The following NAALADL2 variants were observed in gnomAD, a reference collection of about 807,000 sequenced individuals.
NAALADL2 encodes N-acetylated alpha-linked acidic dipeptidase like 2.
A neutral mutation model predicts 87.2 loss-of-function variants in NAALADL2; 76 were observed. The observed-to-expected ratio is 0.87, with a 90% CI of 0.72 to 1.05. The LOEUF (loss-of-function observed/expected upper bound fraction) is 1.05. NAALADL2 is among the 50% of genes least tolerant of loss of function. NAALADL2 has a pLI of 0.00. For synonymous variants in NAALADL2, 354 were observed against 331.0 expected (o/e 1.07, Z -0.75); for missense variants, 1,089 against 945.8 (o/e 1.15, Z -1.99).
rs908155726 is a variant in NAALADL2 at position 174,623,235 on chromosome 3, A to T, written c.-115+72598A>T. Among the ~76,000 whole-genome samples the T allele has an allele frequency of 1.3e-4, 20 of 152,354 alleles. No individual in the cohort carries two copies. The East Asian group carries it at 3.3e-3, about 25-fold the overall frequency. On this transcript the variant is annotated intron_variant, in intron 2 of 3. Coordinates refer to the NAALADL2 transcript ENST00000434257. ...AGCATCCACAGCATTTTAAGCAGAT[A>T]CTTGGAACACTTAAGCTTACAGCAA...
At chr3:175,310,712 G>A (rs932990865) in intron 4 of NAALADL2, among the ~76,000 whole-genome samples, 3 of 151,596 alleles carry the variant, frequency 2.0e-5, no homozygotes, top group Non-Finnish European at 4.4e-5. Context: ...AATCCCAGAG[G>A]TTCATGCATG....
chr3:175,114,514 T>A (rs542451016), intron 2 of NAALADL2, among the ~76,000 whole-genome samples: 2 of 151,828 alleles, frequency 1.3e-5, no homozygotes, highest in Non-Finnish European at 3.0e-5. Context: ...TCTAAATGTA[T>A]GCTAAACATA....
At chr3:174,987,292 G>C (rs534986345) in intron 1 of NAALADL2, among the ~76,000 whole-genome samples, 1 of 151,894 alleles carries the variant, frequency 6.6e-6, no homozygotes, top group Non-Finnish European at 1.5e-5. Context: ...ATACTCGGCC[G>C]GGCGCGGTGG....
intron 5 of NAALADL2, among the ~76,000 whole-genome samples, chr3:175,382,643 T>G (rs1767923954): frequency 6.6e-6 from 1 of 151,846 alleles, no homozygotes; most frequent in African/African-American, 2.4e-5. Flanking sequence ...ACATTCCAAA[T>G]GTTTTTCAAA....
intron 2 of NAALADL2, among the ~76,000 whole-genome samples, chr3:175,189,568 TAA>T (rs2109043854): frequency 6.6e-6 from 1 of 152,278 alleles, no homozygotes; most frequent in African/African-American, 2.4e-5. Context: ...GAAATAAATT[TAA>T]GACAAGTAAA....
chr3:174,885,228 C>T (rs935829743), intron 1 of NAALADL2, among the ~76,000 whole-genome samples: 1 of 152,138 alleles, frequency 6.6e-6, no homozygotes, highest in African/African-American at 2.4e-5. Flanking sequence ...CCTTTCATTG[C>T]AGGTCGGCCA....
chr3:174,917,758 C>A (rs1734606394), intron 1 of NAALADL2, among the ~76,000 whole-genome samples: 1 of 150,908 alleles, frequency 6.6e-6, no homozygotes, highest in Non-Finnish European at 1.5e-5. Context: ...TTTTTTGAGC[C>A]ACCAATTTTA....
intron 2 of NAALADL2, among the ~76,000 whole-genome samples, chr3:175,181,115 G>A (rs554324896): frequency 6.6e-6 from 1 of 152,062 alleles, no homozygotes; most frequent in Admixed American, 6.6e-5. Context: ...TTAGCGTTTT[G>A]GTGAGGGACA....
intron 2 of NAALADL2, among the ~76,000 whole-genome samples, chr3:174,642,507 TAAAAAAA>T (rs10576356): frequency 8.2e-6 from 1 of 122,538 alleles, no homozygotes. Flanking sequence ...TCTCTGGGGA[TAAAAAAA>T]AAAAAAAAAA....
At chr3:175,217,452 A>G (rs915338191) in intron 2 of NAALADL2, among the ~76,000 whole-genome samples, 2 of 152,222 alleles carry the variant, frequency 1.3e-5, no homozygotes, top group African/African-American at 4.8e-5. Flanking sequence ...ACCAAAAATT[A>G]GTTCCAGCAT....
intron 1 of NAALADL2, among the ~76,000 whole-genome samples, chr3:174,450,869 C>CAAAAAAAAAAAAAAAAAAAAA (rs761513802): frequency 1.3e-5 from 1 of 74,896 alleles, no homozygotes; most frequent in African/African-American, 5.0e-5. Flanking sequence ...GACTCTGTCT[C>CAAAAAAAAAAAAAAAAAAAAA]AAAAAAAAAA....
chr3:174,613,089 G>A (rs1720093173), intron 2 of NAALADL2, among the ~76,000 whole-genome samples: 1 of 152,156 alleles, frequency 6.6e-6, no homozygotes, highest in Non-Finnish European at 1.5e-5. Flanking sequence ...AGAATTCTTT[G>A]GATTGCCAGG....
intron 2 of NAALADL2, among the ~76,000 whole-genome samples, chr3:175,144,534 T>G (rs946000910): frequency 2.0e-5 from 3 of 151,976 alleles, no homozygotes; most frequent in Admixed American, 6.6e-5. Context: ...AGAGTGAAAC[T>G]TTCTTATGAT....
At chr3:175,793,066 T>C (rs1752987039) in intron 13 of NAALADL2, among the ~76,000 whole-genome samples, 1 of 152,212 alleles carries the variant, frequency 6.6e-6, no homozygotes, top group Non-Finnish European at 1.5e-5. Flanking sequence ...GGTGAAAGAA[T>C]TACCTTTTGC....
chr3:174,992,325 G>C (rs1003559191), intron 1 of NAALADL2, among the ~76,000 whole-genome samples: 1 of 152,072 alleles, frequency 6.6e-6, no homozygotes, highest in Non-Finnish European at 1.5e-5. Flanking sequence ...GATCATTGTT[G>C]ATTTGAAGCA....
chr3:175,333,890 C>A (rs1460714827), intron 5 of NAALADL2, among the ~76,000 whole-genome samples: 2 of 151,964 alleles, frequency 1.3e-5, no homozygotes, highest in Non-Finnish European at 2.9e-5. Context: ...CCCTAAATAC[C>A]CTGACTGGAT....
At chr3:175,080,807 C>T (rs1052354832) in intron 1 of NAALADL2, among the ~76,000 whole-genome samples, 1 of 152,150 alleles carries the variant, frequency 6.6e-6, no homozygotes, top group African/African-American at 2.4e-5. Flanking sequence ...TCTGCTAACT[C>T]CTGTCATTAG....
chr3:175,319,881 T>A lies in NAALADL2; in HGVS notation c.940-4294T>A, dbSNP rs577447683. On this transcript the variant is annotated intron_variant, in intron 4 of 13. Coordinates refer to ENST00000454872, the MANE Select transcript of NAALADL2 (RefSeq NM_207015.3). ...TGCATCTGTCTCATTCATTCTCTCA[T>A]TTAGCAATACTCTTGAAAGCCTGCT... Among the ~76,000 whole-genome samples, 26 of 152,312 alleles carry A rather than the reference T, an allele frequency of 1.7e-4. No individual in the cohort carries two copies. In the Middle Eastern group the frequency reaches 0.01, roughly 60 times the overall value.
At chr3:174,942,532 G>C (rs1286646080) in intron 1 of NAALADL2, among the ~76,000 whole-genome samples, 3 of 152,156 alleles carry the variant, frequency 2.0e-5, no homozygotes, top group Non-Finnish European at 4.4e-5. Context: ...TTCTTGTGTA[G>C]ACTCTTGCAG....
Sources: allele counts gnomAD v4.1 joint callset (sites outside exome capture counted in the v4.1 genomes callset), GRCh38; gene constraint gnomAD v4.1.1; transcripts MANE v1.5; gene names NCBI Gene and HGNC (gene_info 2026-07-23, HGNC 2026-07-21).